The following GRM7 variants were observed in gnomAD, a reference collection of about 807,000 sequenced individuals.
GRM7 encodes the protein metabotropic glutamate receptor 7.
Under a neutral mutation model 84.5 loss-of-function variants are expected in GRM7, and 35 were observed. The observed-to-expected ratio is 0.41, with a 90% CI of 0.32 to 0.55. The LOEUF is 0.55. Among genes scored for constraint, GRM7 ranks in the 20% least tolerant of loss-of-function variants. GRM7 has a pLI of 0.19. For synonymous variants in GRM7, 487 were observed against 455.1 expected (o/e 1.07, Z -0.89); for missense variants, 1,003 against 1,194.6 (o/e 0.84, Z 2.36).
chr3:7,123,314 G>T (rs912700443), intron 1 of GRM7, among the ~76,000 whole-genome samples: 2 of 152,150 alleles, frequency 1.3e-5, no homozygotes, highest in Non-Finnish European at 2.9e-5. Flanking sequence ...ACTGGCTTCT[G>T]TGCACTCTTT....
At chr3:7,670,253 A>G (rs1699864018) in intron 8 of GRM7, among the ~76,000 whole-genome samples, 1 of 152,184 alleles carries the variant, frequency 6.6e-6, no homozygotes, top group Non-Finnish European at 1.5e-5. Flanking sequence ...GAGGAAGCTG[A>G]AGGGCAGGAA....
chr3:7,351,629 A>G (rs774142826), intron 4 of GRM7, among the ~76,000 whole-genome samples: 2 of 152,060 alleles, frequency 1.3e-5, no homozygotes, highest in Non-Finnish European at 2.9e-5. Flanking sequence ...TGGGCTGTGG[A>G]TATGGCTAGA....
rs75144571 is a variant in GRM7, at chr3:6,862,552, G to A, written c.519+645G>A. On this transcript the variant is annotated intron_variant, in intron 1 of 9. Coordinates refer to ENST00000357716, the MANE Select transcript of GRM7 (RefSeq NM_000844.4). The surrounding 1 kb of genome is among the most constrained non-coding windows in gnomAD (Gnocchi z 5.2). ...AGGTGGAGAGATGCTGCCCGCAGAC[G>A]TGACCCCCGGTTGGTTTGCTCCGGG... Among the ~76,000 whole-genome samples, 1 of 152,142 alleles carries A rather than the reference G, an allele frequency of 6.6e-6. No homozygotes were observed. The highest frequency in any genetic ancestry group is 1.5e-5 in the Non-Finnish European group (1 of 68,038).
At chr3:6,986,543 A>G (rs914827225) in intron 1 of GRM7, among the ~76,000 whole-genome samples, 3 of 152,202 alleles carry the variant, frequency 2.0e-5, no homozygotes, top group African/African-American at 4.8e-5. Context: ...TAATGCTCAT[A>G]CGTGGTCTTC....
chr3:7,718,452 C>T (rs1300601244), intron 9 of GRM7, among the ~76,000 whole-genome samples: 2 of 152,110 alleles, frequency 1.3e-5, no homozygotes, highest in Non-Finnish European at 2.9e-5. Flanking sequence ...CCAGGCAACA[C>T]TAAAAAGACT....
At chr3:6,868,717 C>T (rs1695018894) in intron 1 of GRM7, among the ~76,000 whole-genome samples, 1 of 152,080 alleles carries the variant, frequency 6.6e-6, no homozygotes, top group African/African-American at 2.4e-5. Flanking sequence ...TGTTTTAATA[C>T]AATTGCTGAA....
At chr3:7,643,787 G>A (rs1698477038) in intron 8 of GRM7, among the ~76,000 whole-genome samples, 1 of 152,096 alleles carries the variant, frequency 6.6e-6, no homozygotes, top group African/African-American at 2.4e-5. Flanking sequence ...GTGCCTAAGT[G>A]TTTTACATGT....
At chr3:7,224,310 A>G (rs1389024169) in intron 2 of GRM7, among the ~76,000 whole-genome samples, 1 of 152,132 alleles carries the variant, frequency 6.6e-6, no homozygotes, top group Non-Finnish European at 1.5e-5. Context: ...CTTTTAAACA[A>G]CTAGAACTCA....
chr3:7,303,425 T>G (rs553148341), intron 3 of GRM7, among the ~76,000 whole-genome samples: 207 of 152,232 alleles, frequency 1.4e-3, no homozygotes, highest in African/African-American at 4.8e-3. Flanking sequence ...GTGTACGTGT[T>G]ACAATTTTTA....
intron 2 of GRM7, among the ~76,000 whole-genome samples, chr3:7,260,434 G>A (rs1185232437): frequency 2.0e-5 from 3 of 152,102 alleles, no homozygotes; most frequent in African/African-American, 7.2e-5. Context: ...AGTCTTGGGA[G>A]GATGTAGGTG....
At chr3:7,172,656 C>G (rs2125089533) in intron 2 of GRM7, among the ~76,000 whole-genome samples, 1 of 149,210 alleles carries the variant, frequency 6.7e-6, no homozygotes, top group South Asian at 2.1e-4. Flanking sequence ...TGTTGAATTT[C>G]CGAAAAGAAC....
chr3:7,447,701 CTT>C (rs1411499882), intron 5 of GRM7, among the ~76,000 whole-genome samples: 2 of 151,268 alleles, frequency 1.3e-5, no homozygotes, highest in African/African-American at 4.9e-5. Flanking sequence ...AATAAATAAA[CTT>C]TCTCAGAAGT....
rs996911042 is a variant in GRM7 at position 7,379,994 on chromosome 3, G to A, written c.1034-35029G>A. ...TTTTCCTCTGACAGATAACCCTGTA[G>A]CAAGGTAACTTGGATGTGTTTTTGT... On this transcript the variant is annotated intron_variant, in intron 4 of 9. Transcript: ENST00000357716. 2.0e-5 allele frequency among the ~76,000 whole-genome samples: 3 copies of A among 152,158 alleles called. No individual in the cohort carries two copies. In the South Asian group the frequency reaches 6.2e-4, roughly 32 times the overall value.
At chr3:7,176,716 T>C (rs1172705920) in intron 2 of GRM7, among the ~76,000 whole-genome samples, 1 of 152,214 alleles carries the variant, frequency 6.6e-6, no homozygotes, top group Non-Finnish European at 1.5e-5. Context: ...AGAACTCTTG[T>C]TGGCCAAGGC....
At chr3:6,927,134 T>A (rs751368156) in intron 1 of GRM7, among the ~76,000 whole-genome samples, 1 of 152,062 alleles carries the variant, frequency 6.6e-6, no homozygotes, top group Non-Finnish European at 1.5e-5. Context: ...AGTAGAATTG[T>A]TAGAAAAATG....
chr3:7,362,761 A>C lies in GRM7; in HGVS notation c.1034-52262A>C, dbSNP rs140678419. Reference sequence around the variant, plus strand: ...GTAGCGTGAAGAGGTGTTAATTCAGATATCAGTCCTACTGCCTGATACTTG... The same window carrying C: ...GTAGCGTGAAGAGGTGTTAATTCAGCTATCAGTCCTACTGCCTGATACTTG... On this transcript the variant is annotated intron_variant, in intron 4 of 9. Transcript: ENST00000357716. Among the ~76,000 whole-genome samples, 466 of 152,208 alleles carry C rather than the reference A, an allele frequency of 3.1e-3. 1 individual carries two copies. The highest frequency in any genetic ancestry group is 5.6e-3 in the Admixed American group (86 of 15,274).
intron 5 of GRM7, among the ~76,000 whole-genome samples, chr3:7,433,000 A>G (rs985045524): frequency 6.6e-6 from 1 of 152,182 alleles, no homozygotes; most frequent in Non-Finnish European, 1.5e-5. Context: ...AAAGACAATA[A>G]TCCATAGATC....
chr3:7,732,720 T>C (rs1408661381), intron 9 of GRM7, among the ~76,000 whole-genome samples: 2 of 152,242 alleles, frequency 1.3e-5, no homozygotes, highest in Admixed American at 1.3e-4. Context: ...CTTCTGTTTC[T>C]GGTACTGTTA....
intron 2 of GRM7, among the ~76,000 whole-genome samples, chr3:7,270,995 G>A (rs1346802184): frequency 6.6e-6 from 1 of 152,122 alleles, no homozygotes; most frequent in Admixed American, 6.5e-5. Context: ...TTGCAGCCAG[G>A]TCTCTAGACT....
Sources: gnomAD v4.1 joint callset for allele counts (sites outside exome capture counted in the v4.1 genomes callset) on GRCh38, gnomAD v4.1.1 for gene constraint, Gnocchi (gnomAD v3.1) non-coding constraint, MANE v1.5 for transcripts, NCBI Gene and HGNC (gene_info 2026-07-23, HGNC 2026-07-21) for gene names.